The following SMURF1 variants were observed in gnomAD, a reference collection of about 807,000 sequenced individuals.
SMURF1 encodes E3 ubiquitin-protein ligase SMURF1.
A neutral mutation model predicts 98.0 loss-of-function variants in SMURF1; 44 were observed. The ratio of observed to expected loss-of-function variants is 0.45; its 90% CI spans 0.35 to 0.58. The LOEUF (loss-of-function observed/expected upper bound fraction) is 0.58, where lower values mean the gene tolerates loss of function less well. Ranked by LOEUF, SMURF1 falls within the 20% of genes least tolerant of loss-of-function variation. SMURF1 has a pLI of 0.00. For synonymous variants in SMURF1, 396 were observed against 374.9 expected, an observed-to-expected ratio of 1.06 and a Z score of -0.65; for missense variants, 687 against 938.4, an observed-to-expected ratio of 0.73 and a Z score of 3.50.
Position 99,037,833 on chromosome 7 carries a change from T to C in SMURF1, c.1688+555A>G, listed in dbSNP as rs111440538. On this transcript the variant is annotated intron_variant, in intron 14 of 17. Transcript: ENST00000361368. The stretch of plus-strand genomic sequence containing the variant: ...TGGGAGGCGGAAGCAAGAGGATTGC[T>C]TGAGGCCAGGGGTTCGAGACCAGCC... Among the ~76,000 whole-genome samples, 8 of 152,360 alleles carry C rather than the reference T, an allele frequency of 5.3e-5. 1 individual carries two copies. The highest frequency in any genetic ancestry group is 1.9e-4 in the African/African-American group (8 of 41,596).
At chr7:99,096,982 G>T (rs1273426475) in intron 1 of SMURF1, among the ~76,000 whole-genome samples, 1 of 151,952 alleles carries the variant, frequency 6.6e-6, no homozygotes, top group East Asian at 1.9e-4. Context: ...AAAAATAACA[G>T]GAAAATCTTC....
At chr7:99,096,802 G>A (rs1256999570) in intron 1 of SMURF1, among the ~76,000 whole-genome samples, 2 of 152,096 alleles carry the variant, frequency 1.3e-5, no homozygotes, top group Admixed American at 6.5e-5. Context: ...ATTAACTAAC[G>A]GGATCAAACT....
intron 1 of SMURF1, among the ~76,000 whole-genome samples, chr7:99,122,854 A>C (rs1019156761): frequency 1.3e-5 from 2 of 150,404 alleles, no homozygotes; most frequent in Non-Finnish European, 1.5e-5. Context: ...AATATCTCGA[A>C]GATCAAATAA....
In SMURF1 at chr7:99,044,768, G is replaced by GT. The variant is rs111496927; in HGVS notation, c.1256+929dup. Among the ~76,000 whole-genome samples, 269 of 152,304 alleles carry GT rather than the reference G, an allele frequency of 1.8e-3. 3 individuals are homozygous for GT. The highest frequency in any genetic ancestry group is 6.2e-3 in the African/African-American group (258 of 41,570). On this transcript the variant is annotated intron_variant, in intron 11 of 17. Transcript: ENST00000361368. ...AGTAACTAGAGTCAGTCTATCTTATGTATATGCCCATAAATCATTAAATCC... is the reference window on the plus strand; with the variant it reads ...AGTAACTAGAGTCAGTCTATCTTATGTTATATGCCCATAAATCATTAAATCC...
chr7:99,042,951 C>T (rs1397421275), intron 11 of SMURF1, among the ~76,000 whole-genome samples: 1 of 152,204 alleles, frequency 6.6e-6, no homozygotes, highest in African/African-American at 2.4e-5. Context: ...AACAGTTCTT[C>T]ATTGTACTCA....
chr7:99,073,417 G>A (rs1018943828), intron 1 of SMURF1, among the ~76,000 whole-genome samples: 5 of 147,504 alleles, frequency 3.4e-5, no homozygotes, highest in East Asian at 2.0e-4. Context: ...AACATTAAAC[G>A]TTTCCAGTCG....
At chr7:99,085,803 AC>A in intron 1 of SMURF1, among the ~76,000 whole-genome samples, 1 of 152,308 alleles carries the variant, frequency 6.6e-6, no homozygotes. Flanking sequence ...AACTGTCTCT[AC>A]AGTTTTGCCT....
At chr7:99,087,761 G>A (rs1248299180) in intron 1 of SMURF1, among the ~76,000 whole-genome samples, 7 of 152,066 alleles carry the variant, frequency 4.6e-5, no homozygotes, top group African/African-American at 1.2e-4. Context: ...TTCCAGCCCC[G>A]CTGCCACTGC....
chr7:99,137,853 T>C (rs1276304017), intron 1 of SMURF1, among the ~76,000 whole-genome samples: 1 of 152,258 alleles, frequency 6.6e-6, no homozygotes, highest in Non-Finnish European at 1.5e-5. Context: ...TTTAAATATC[T>C]AAATGGATTA....
chr7:99,052,124 C>T, intron 7 of SMURF1, 81 bp downstream of exon 7: 2 of 1,462,234 alleles, frequency 1.4e-6, no homozygotes, highest in Non-Finnish European at 1.8e-6. Context: ...GACAGCAAGA[C>T]CTTGTCTCAA....
chr7:99,060,051 C>CAT (rs1168105875), intron 3 of SMURF1, among the ~76,000 whole-genome samples: 1 of 151,912 alleles, frequency 6.6e-6, no homozygotes, highest in Non-Finnish European at 1.5e-5. Context: ...TTGAGGATCA[C>CAT]ATGTACAAAA....
chr7:99,126,601 G>A (rs1266378659), intron 1 of SMURF1, among the ~76,000 whole-genome samples: 1 of 152,174 alleles, frequency 6.6e-6, no homozygotes, highest in African/African-American at 2.4e-5. Context: ...GTTGCAGTGA[G>A]CTGAGATTGC....
At chr7:99,036,154 T>C (rs1795130466) in intron 15 of SMURF1, 1 of 202,802 alleles carries the variant, frequency 4.9e-6, no homozygotes, top group Admixed American at 5.3e-5. Context: ...CTGGGGCCGA[T>C]AGGGCATGTT....
intron 1 of SMURF1, among the ~76,000 whole-genome samples, chr7:99,141,793 C>T (rs968399192): frequency 6.6e-5 from 10 of 152,124 alleles, no homozygotes; most frequent in African/African-American, 2.4e-4. Flanking sequence ...TTTATGGCTG[C>T]GCATCTGCCA....
chr7:99,051,121 A>G (rs1160020372), intron 8 of SMURF1: 3 of 885,636 alleles, frequency 3.4e-6, no homozygotes, highest in South Asian at 1.7e-5. Flanking sequence ...TGTGTAACCA[A>G]CTTCAACAAT....
rs756980037 is a variant in SMURF1 at position 99,047,752 on chromosome 7, C to T, written c.1084G>A (p.Glu362Lys). Residue 362 changes from glutamate to lysine, a missense_variant, in exon 10 of 18, where the codon GAA becomes AAA. Coordinates refer to ENST00000361368, the MANE Select transcript of SMURF1 (RefSeq NM_181349.3). ...GCTTGGGGCTGCTGAAGCGACAGTTCGTGTCTGAGGACTTTCAGCTTCTGG... is the reference window on the plus strand; with the variant it reads ...GCTTGGGGCTGCTGAAGCGACAGTTTGTGTCTGAGGACTTTCAGCTTCTGG... ...LVQKLKVLRH[E>K]LSLQQPQAGH... 3.1e-6 allele frequency: 5 copies of T among 1,614,108 alleles called. No homozygotes were observed. In the African/African-American group the frequency reaches 4.0e-5, roughly 13 times the overall value.
At chr7:99,036,152 G>A (rs867773286) in intron 15 of SMURF1, 31 of 205,946 alleles carry the variant, frequency 1.5e-4, no homozygotes, top group South Asian at 3.2e-4. Flanking sequence ...GGCTGGGGCC[G>A]ATAGGGCATG....
Position 99,040,546 on chromosome 7 carries a change from G to A in SMURF1, c.1382C>T (p.Ser461Phe). ...GATCCGCCCCACAAAGTGGAAATAA[G>A]ACAAGTGGTCCTGTAGGGGGCACCA... ...PDSSINPDHL[S>F]YFHFVGRIMG... The change falls in exon 13 of 18, where the codon TCT (serine) becomes TTT (phenylalanine). Residue 461 changes from serine to phenylalanine, a missense_variant. Ser to Phe is a radical substitution (Grantham distance 155). This residue lies in a region of SMURF1 where 272 missense variants were observed against 430.0 expected (regional missense o/e 0.63). Coordinates refer to ENST00000361368, the MANE Select transcript of SMURF1 (RefSeq NM_181349.3). The A allele has an allele frequency of 6.7e-7, 1 of 1,484,880 alleles. No homozygotes were observed. Among genetic ancestry groups the A allele is most frequent in the Non-Finnish European group, 9.0e-7 (1 of 1,115,898 alleles). 92.0% of individuals were successfully genotyped at this position (1,484,880 alleles called of 1,614,324 possible). A position where few individuals can be genotyped will look rare whatever the true frequency, so the allele number is the denominator to read the frequency against.
intron 16 of SMURF1, 54 bp downstream of exon 16, chr7:99,035,461 G>A: frequency 6.3e-7 from 1 of 1,594,650 alleles, no homozygotes; most frequent in Admixed American, 1.7e-5. Context: ...AGCTCTTCCT[G>A]CCCACAGCGC....
Sources: gnomAD v4.1 joint callset for allele counts (sites outside exome capture counted in the v4.1 genomes callset) on GRCh38, gnomAD v4.1.1 for gene constraint, gnomAD v4.1.1 regional missense constraint, MANE v1.5 for transcripts, NCBI Gene and HGNC (gene_info 2026-07-23, HGNC 2026-07-21) for gene names.